Variants in ACTL8 observed in about 807,000 individuals in gnomAD.
The protein encoded by ACTL8 is actin-like protein 8.
ACTL8 carries 3 observed loss-of-function variants against 9.3 expected under a neutral mutation model. The observed-to-expected ratio is 0.32, with a 90% CI of 0.15 to 0.83. The LOEUF (loss-of-function observed/expected upper bound fraction) is 0.83, where lower values mean the gene tolerates loss of function less well. Among genes scored for constraint, ACTL8 ranks in the 40% least tolerant of loss-of-function variants. The pLI is 0.57. For synonymous variants in ACTL8, 224 were observed against 205.9 expected (o/e 1.09, Z -0.75); for missense variants, 381 against 492.2 (o/e 0.77, Z 2.14).
At chr1:17,825,635 C>T in intron 2 of ACTL8, 132 bp from the exon 3 acceptor site, 1 of 1,208,654 alleles carries the variant, frequency 8.3e-7, no homozygotes, top group Non-Finnish European at 1.1e-6. Context: ...TGCATAAGCT[C>T]CAGGGGCCCT....
At chr1:17,783,995 T>C (rs770144341) in intron 1 of ACTL8, among the ~76,000 whole-genome samples, 1 of 152,230 alleles carries the variant, frequency 6.6e-6, no homozygotes, top group African/African-American at 2.4e-5. Context: ...CTTAAGCATG[T>C]TGAGCCTTAG....
intron 1 of ACTL8, among the ~76,000 whole-genome samples, chr1:17,804,928 A>C (rs79092181): frequency 6.6e-6 from 1 of 151,938 alleles, no homozygotes; most frequent in Non-Finnish European, 1.5e-5. Flanking sequence ...CTCATCTTCT[A>C]TCCTCAACCC....
intron 1 of ACTL8, among the ~76,000 whole-genome samples, chr1:17,788,545 A>G (rs1278296990): frequency 6.6e-6 from 1 of 152,078 alleles, no homozygotes; most frequent in Non-Finnish European, 1.5e-5. Flanking sequence ...CCGTACAAAT[A>G]TTTTCTGTTT....
At chr1:17,797,441 T>C (rs1192011453) in intron 1 of ACTL8, among the ~76,000 whole-genome samples, 5 of 152,206 alleles carry the variant, frequency 3.3e-5, no homozygotes, top group Non-Finnish European at 5.9e-5. Context: ...CAGGCTGTGT[T>C]CTGCAGACAA....
chr1:17,766,600 T>C (rs1447480013), intron 1 of ACTL8, among the ~76,000 whole-genome samples: 2 of 152,194 alleles, frequency 1.3e-5, no homozygotes, highest in Admixed American at 1.3e-4. Flanking sequence ...CATGTGTTAA[T>C]GCATTTATTC....
At chr1:17,782,110 C>T (rs2066159317) in intron 1 of ACTL8, among the ~76,000 whole-genome samples, 1 of 152,102 alleles carries the variant, frequency 6.6e-6, no homozygotes, top group Non-Finnish European at 1.5e-5. Flanking sequence ...CTTTGGTATA[C>T]AGCTCTGGTA....
intron 1 of ACTL8, among the ~76,000 whole-genome samples, chr1:17,777,502 A>G (rs1381131889): frequency 6.6e-6 from 1 of 152,098 alleles, no homozygotes; most frequent in African/African-American, 2.4e-5. Flanking sequence ...GGCCGGTGAT[A>G]GCAGGTGTGA....
chr1:17,817,970 G>A (rs2124189867), intron 1 of ACTL8, among the ~76,000 whole-genome samples: 1 of 152,228 alleles, frequency 6.6e-6, no homozygotes, highest in South Asian at 2.1e-4. Flanking sequence ...CCAAAGTGCT[G>A]GGATTACAGG....
chr1:17,778,895 G>A (rs1302965467), intron 1 of ACTL8, among the ~76,000 whole-genome samples: 3 of 152,146 alleles, frequency 2.0e-5, no homozygotes, highest in African/African-American at 7.2e-5. Flanking sequence ...AAGAGATGCT[G>A]GAGTTGAGTG....
At position 17,826,664 on chromosome 1, in the gene ACTL8, G is replaced by A; in HGVS notation, c.*145G>A. 1 of 803,216 alleles carries A rather than the reference G, an allele frequency of 1.2e-6. No homozygotes were observed. The highest frequency in any genetic ancestry group is 1.8e-6 in the Non-Finnish European group (1 of 549,330). 49.8% of individuals were successfully genotyped at this position (803,216 alleles called of 1,614,324 possible). ...TCTAGGGGCATGAGGGTATTTTTTA[G>A]GTTCTAAGGTTTTATCTTGTTGCAA... is the stretch of plus-strand genomic sequence containing the variant. On this transcript the variant is annotated 3_prime_UTR_variant, in exon 3 of 3. Coordinates refer to ENST00000375406, the MANE Select transcript of ACTL8 (RefSeq NM_030812.3). This position sits in a 1 kb window ranked among gnomAD's most constrained non-coding sequence, Gnocchi z 4.5.
At chr1:17,774,077 G>A (rs2066100992) in intron 1 of ACTL8, among the ~76,000 whole-genome samples, 1 of 152,172 alleles carries the variant, frequency 6.6e-6, no homozygotes, top group African/African-American at 2.4e-5. Context: ...TGCTGTCATG[G>A]CCTAGAGGTA....
At chr1:17,759,936 G>A (rs993300396) in intron 1 of ACTL8, among the ~76,000 whole-genome samples, 9 of 152,036 alleles carry the variant, frequency 5.9e-5, no homozygotes, top group African/African-American at 2.2e-4. Flanking sequence ...TCCCATTATG[G>A]TTAATAATCC....
chr1:17,821,901 C>T (rs928031752), intron 1 of ACTL8, among the ~76,000 whole-genome samples: 3 of 152,184 alleles, frequency 2.0e-5, no homozygotes, highest in Non-Finnish European at 4.4e-5. Context: ...GCTGAGATTA[C>T]ATGCGTGAAC....
At chr1:17,763,624 C>T (rs1390264979) in intron 1 of ACTL8, among the ~76,000 whole-genome samples, 1 of 152,214 alleles carries the variant, frequency 6.6e-6, no homozygotes, top group African/African-American at 2.4e-5. Flanking sequence ...CAGCTCATTA[C>T]GTCTTCCCCA....
rs3063168 is a variant in ACTL8 at position 17,796,306 on chromosome 1, CTG to C, written c.-24-26649_-24-26648del. Reference sequence around the variant, plus strand: ...AGGATGGCTCTGTGCATGCGTGCACCTGTGTGTGTGTGTGTGTGTGTGTGTGT... The same window carrying C: ...AGGATGGCTCTGTGCATGCGTGCACCTGTGTGTGTGTGTGTGTGTGTGTGT... On this transcript the variant is annotated intron_variant, in intron 1 of 2. Transcript: ENST00000375406. Among the ~76,000 whole-genome samples, 798 of 148,046 alleles carry C rather than the reference CTG, an allele frequency of 5.4e-3. 8 individuals carry two copies. The highest frequency in any genetic ancestry group is 0.018 in the African/African-American group (721 of 40,252).
chr1:17,782,161 G>A (rs2066159829), intron 1 of ACTL8, among the ~76,000 whole-genome samples: 1 of 152,146 alleles, frequency 6.6e-6, no homozygotes, highest in Non-Finnish European at 1.5e-5. Flanking sequence ...CTGGGCCTCT[G>A]GAGACCCTGA....
At chr1:17,766,902 A>G (rs2066048658) in intron 1 of ACTL8, among the ~76,000 whole-genome samples, 1 of 152,196 alleles carries the variant, frequency 6.6e-6, no homozygotes, top group Non-Finnish European at 1.5e-5. Context: ...TTATGTACTG[A>G]CCATTGTTCT....
chr1:17,818,247 A>G (rs1247715010), intron 1 of ACTL8, among the ~76,000 whole-genome samples: 1 of 152,162 alleles, frequency 6.6e-6, no homozygotes, highest in African/African-American at 2.4e-5. Context: ...CTAACATTTC[A>G]GTCTATGAGC....
intron 1 of ACTL8, among the ~76,000 whole-genome samples, chr1:17,780,071 G>C (rs563419334): frequency 2.2e-4 from 33 of 152,242 alleles, no homozygotes; most frequent in African/African-American, 7.9e-4. Flanking sequence ...ACTGGTTGTA[G>C]TGGTGTGCAC....
Sources: gnomAD v4.1 joint callset for allele counts (sites outside exome capture counted in the v4.1 genomes callset) on GRCh38, gnomAD v4.1.1 for gene constraint, Gnocchi (gnomAD v3.1) non-coding constraint, MANE v1.5 for transcripts, NCBI Gene and HGNC (gene_info 2026-07-23, HGNC 2026-07-21) for gene names.